Variants in NTRK2 observed in about 807,000 individuals in gnomAD.
NTRK2 encodes the protein neurotrophic receptor tyrosine kinase 2.
A neutral mutation model predicts 94.5 loss-of-function variants in NTRK2; 13 were observed. The ratio of observed to expected loss-of-function variants is 0.14; its 90% CI spans 0.09 to 0.22. The LOEUF is 0.22. NTRK2 is among the 10% of genes least tolerant of loss of function. The pLI, the probability that NTRK2 is intolerant of heterozygous loss-of-function variation, is 1.00. For synonymous variants in NTRK2, 372 were observed against 407.4 expected (o/e 0.91, Z 1.05); for missense variants, 639 against 1,071.2 (o/e 0.60, Z 5.63).
At chr9:84,959,894 G>A (rs536875866) in intron 17 of NTRK2, among the ~76,000 whole-genome samples, 1 of 152,132 alleles carries the variant, frequency 6.6e-6, no homozygotes, top group Non-Finnish European at 1.5e-5. Context: ...TGGGTGGTTT[G>A]CACTGTTTGG....
At chr9:84,995,335 G>A (rs1829617650) in intron 17 of NTRK2, among the ~76,000 whole-genome samples, 1 of 151,968 alleles carries the variant, frequency 6.6e-6, no homozygotes, top group African/African-American at 2.4e-5. Context: ...GAATTTAAGG[G>A]AAAAAACACT....
chr9:84,752,824 T>A (rs751735194), intron 12 of NTRK2, among the ~76,000 whole-genome samples: 21 of 152,232 alleles, frequency 1.4e-4, no homozygotes, highest in Non-Finnish European at 2.6e-4. Flanking sequence ...TTGGATAATA[T>A]GCCAGTGTTG....
chr9:84,881,114 A>G (rs2076240831), intron 14 of NTRK2, among the ~76,000 whole-genome samples: 2 of 152,170 alleles, frequency 1.3e-5, no homozygotes, highest in African/African-American at 4.8e-5. Context: ...ATATTTCCAA[A>G]CAGAGAATTT....
chr9:84,890,096 T>C (rs969941156), intron 14 of NTRK2, among the ~76,000 whole-genome samples: 18 of 152,352 alleles, frequency 1.2e-4, no homozygotes, highest in Admixed American at 9.1e-4. Flanking sequence ...CTTTTGCATC[T>C]TCAGGGATTT....
chr9:84,773,228 TG>T (rs2066725322), intron 12 of NTRK2, among the ~76,000 whole-genome samples: 1 of 152,250 alleles, frequency 6.6e-6, no homozygotes, highest in African/African-American at 2.4e-5. Flanking sequence ...ATGACTAATG[TG>T]GAATCCATTC....
At chr9:84,957,202 G>T (rs919399943) in intron 17 of NTRK2, among the ~76,000 whole-genome samples, 1 of 152,132 alleles carries the variant, frequency 6.6e-6, no homozygotes, top group Non-Finnish European at 1.5e-5. Flanking sequence ...CCAGGCAAAG[G>T]CTTTCTCTCT....
chr9:84,791,363 A>G (rs1328184608), intron 12 of NTRK2, among the ~76,000 whole-genome samples: 1 of 152,134 alleles, frequency 6.6e-6, no homozygotes, highest in Non-Finnish European at 1.5e-5. Flanking sequence ...TTATGTCTGG[A>G]TTAATTAAAA....
intron 2 of NTRK2, among the ~76,000 whole-genome samples, chr9:84,692,478 T>C (rs1329433739): frequency 3.0e-5 from 4 of 133,438 alleles, no homozygotes; most frequent in Non-Finnish European, 3.2e-5. Flanking sequence ...CTTTTTTTTT[T>C]TTTTTTTTTT....
chr9:84,925,359 C>A (rs1362281255), intron 14 of NTRK2, among the ~76,000 whole-genome samples: 1 of 152,096 alleles, frequency 6.6e-6, no homozygotes, highest in Non-Finnish European at 1.5e-5. Flanking sequence ...TCCGCCCCCT[C>A]CCGTTTCCCA....
chr9:84,773,203 G>A (rs889000316), intron 12 of NTRK2, among the ~76,000 whole-genome samples: 8 of 152,180 alleles, frequency 5.3e-5, no homozygotes, highest in Non-Finnish European at 8.8e-5. Flanking sequence ...ATGCTTGCAT[G>A]GGCATGCTTG....
chr9:84,718,826 C>T (rs1228227033), intron 6 of NTRK2, among the ~76,000 whole-genome samples: 1 of 152,154 alleles, frequency 6.6e-6, no homozygotes, highest in Non-Finnish European at 1.5e-5. Flanking sequence ...AATTAAACCT[C>T]GAGTGGTATT....
chr9:84,876,439 C>T (rs2076070204), intron 14 of NTRK2: 8 of 1,055,236 alleles, frequency 7.6e-6, no homozygotes, highest in Non-Finnish European at 8.0e-6. Context: ...CCCTGCAACA[C>T]CCAAAGAGTT....
chr9:84,791,600 C>A (rs2133211053), intron 12 of NTRK2, among the ~76,000 whole-genome samples: 1 of 152,242 alleles, frequency 6.6e-6, no homozygotes, highest in East Asian at 1.9e-4. Context: ...AAATATCATG[C>A]AAATATTTTG....
intron 12 of NTRK2, among the ~76,000 whole-genome samples, chr9:84,808,608 T>C: frequency 6.6e-6 from 1 of 152,248 alleles, no homozygotes; most frequent in East Asian, 1.9e-4. Context: ...ACTGTTAAAC[T>C]AGCTCAGCTT....
At position 84,934,148 on chromosome 9, in the gene NTRK2, T is replaced by G. The variant is rs932952451; in HGVS notation, c.1634-14T>G. On this transcript the variant is annotated splice_polypyrimidine_tract_variant and intron_variant, in intron 14 of 18. Coordinates refer to ENST00000277120, the MANE Select transcript of NTRK2 (RefSeq NM_006180.6). ...TGCTTCAATTCCAATTTCCATTCTG[T>G]CTTTGTTTTGCAGTTGTTCAGCACA... 1.2e-6 allele frequency: 2 copies of G among 1,613,728 alleles called. No homozygotes were observed. Among genetic ancestry groups the G allele is most frequent in the Non-Finnish European group, 1.7e-6 (2 of 1,179,770 alleles).
At chr9:84,802,275 T>C (rs565964278) in intron 12 of NTRK2, among the ~76,000 whole-genome samples, 1 of 152,166 alleles carries the variant, frequency 6.6e-6, no homozygotes, top group Non-Finnish European at 1.5e-5. Flanking sequence ...CTCCATACTT[T>C]AAAAAGAAAA....
intron 17 of NTRK2, among the ~76,000 whole-genome samples, chr9:84,995,676 A>G: frequency 6.6e-6 from 1 of 152,210 alleles, no homozygotes; most frequent in East Asian, 1.9e-4. Context: ...GGTTGTTGCA[A>G]GCACTAAATA....
chr9:84,833,956 T>C (rs1187881648), intron 12 of NTRK2, among the ~76,000 whole-genome samples: 3 of 152,150 alleles, frequency 2.0e-5, no homozygotes, highest in Non-Finnish European at 2.9e-5. Flanking sequence ...CGGGTGAGGA[T>C]GGGCACAGAG....
chr9:84,873,014 G>A, intron 14 of NTRK2: 1 of 1,063,316 alleles, frequency 9.4e-7, no homozygotes, highest in Non-Finnish European at 1.1e-6. Flanking sequence ...GTACACATGA[G>A]CAAAAATTCT....
Sources: allele counts gnomAD v4.1 joint callset (sites outside exome capture counted in the v4.1 genomes callset), GRCh38; gene constraint gnomAD v4.1.1; transcripts MANE v1.5; gene names NCBI Gene and HGNC (gene_info 2026-07-23, HGNC 2026-07-21).